SLC26A7: variants seen among roughly 807,000 people sequenced by gnomAD.
The protein encoded by SLC26A7 is anion exchange transporter.
In SLC26A7, 59 loss-of-function variants were observed where a neutral mutation model predicts 82.5. The observed-to-expected ratio is 0.72, with a 90% CI of 0.58 to 0.89. The LOEUF is 0.89. SLC26A7 is among the 40% of genes least tolerant of loss of function. The pLI, the probability that SLC26A7 is intolerant of heterozygous loss-of-function variation, is 0.00. For missense variants in SLC26A7, 820 were observed against 793.0 expected (o/e 1.03, Z -0.41); for synonymous variants, 271 against 274.3 (o/e 0.99, Z 0.12).
intron 1 of SLC26A7, chr8:91,209,580 G>T (rs1460448708): frequency 6.6e-6 from 1 of 152,240 alleles, no homozygotes; most frequent in Non-Finnish European, 1.5e-5. Flanking sequence ...ACGTGAGGAA[G>T]GCTTGAAGAA....
At chr8:91,326,986 G>A (rs927297397) in intron 5 of SLC26A7, among the ~76,000 whole-genome samples, 8 of 152,170 alleles carry the variant, frequency 5.3e-5, no homozygotes, top group Admixed American at 2.6e-4. Context: ...GGGATTTAGG[G>A]CCCACCCAGG....
chr8:91,274,005 T>C (rs1811340654), intron 2 of SLC26A7, among the ~76,000 whole-genome samples: 1 of 152,128 alleles, frequency 6.6e-6, no homozygotes, highest in Non-Finnish European at 1.5e-5. Flanking sequence ...AAGATCTCGG[T>C]TTTTAACTTT....
chr8:91,261,135 G>C (rs1046978780), intron 2 of SLC26A7, among the ~76,000 whole-genome samples: 5 of 152,088 alleles, frequency 3.3e-5, no homozygotes, highest in African/African-American at 1.2e-4. Context: ...ATTCTTGGAA[G>C]TGCTTACCAC....
chr8:91,279,125 G>GTGTGTATATATATATA (rs1382744780), intron 2 of SLC26A7, among the ~76,000 whole-genome samples: 3 of 111,258 alleles, frequency 2.7e-5, no homozygotes, highest in African/African-American at 7.1e-5. Context: ...GTGTGTGTGT[G>GTGTGTATATATATATA]TATATATATA....
Position 91,334,307 on chromosome 8 carries a change from G to A in SLC26A7, c.655G>A (p.Val219Ile), listed in dbSNP as rs1813178934. ...CTCATTACTGTAGATTTATGCATAT[G>A]TTTTTGAAAACATCAAGTCTGTGCG... ...PLGFFYIYAYVFENIKSVRLE... is the reference protein window; with the variant it reads ...PLGFFYIYAYIFENIKSVRLE... The change falls in exon 6 of 19, where the codon GTT (valine) becomes ATT (isoleucine). Residue 219 changes from valine to isoleucine, a missense_variant. Physicochemically the swap from Val to Ile is conservative, Grantham distance 29. Coordinates refer to ENST00000276609, the MANE Select transcript of SLC26A7 (RefSeq NM_052832.4). 3.1e-6 allele frequency: 5 copies of A among 1,609,870 alleles called. No individual in the cohort carries two copies. The highest frequency in any genetic ancestry group is 1.7e-5 in the Admixed American group (1 of 59,460).
chr8:91,348,959 G>GA (rs1435482442), intron 9 of SLC26A7, among the ~76,000 whole-genome samples: 3 of 152,068 alleles, frequency 2.0e-5, no homozygotes, highest in Non-Finnish European at 2.9e-5. Context: ...AGCTCTTTTT[G>GA]AATTTACTGA....
At chr8:91,345,371 C>T (rs1813535002) in intron 9 of SLC26A7, among the ~76,000 whole-genome samples, 1 of 152,110 alleles carries the variant, frequency 6.6e-6, no homozygotes, top group African/African-American at 2.4e-5. Flanking sequence ...GGGCTTGTAC[C>T]CTGGCTTCAC....
At chr8:91,378,900 C>T (rs999587678) in intron 15 of SLC26A7, among the ~76,000 whole-genome samples, 5 of 152,120 alleles carry the variant, frequency 3.3e-5, no homozygotes, top group Admixed American at 3.3e-4. Flanking sequence ...ATCATTCACA[C>T]ATGAAATAAT....
chr8:91,215,814 A>G (rs1810035467), intron 1 of SLC26A7, among the ~76,000 whole-genome samples: 1 of 152,176 alleles, frequency 6.6e-6, no homozygotes, highest in Non-Finnish European at 1.5e-5. Context: ...GTTTGTGAAG[A>G]GAGGTCCTCT....
intron 9 of SLC26A7, among the ~76,000 whole-genome samples, chr8:91,345,921 T>A (rs1445914990): frequency 6.6e-6 from 1 of 152,182 alleles, no homozygotes; most frequent in Non-Finnish European, 1.5e-5. Context: ...TTTGGGATTT[T>A]TTTTCACTTG....
intron 15 of SLC26A7, among the ~76,000 whole-genome samples, chr8:91,384,570 C>T (rs1814748553): frequency 6.6e-6 from 1 of 152,182 alleles, no homozygotes. Flanking sequence ...TCTCCTTCAT[C>T]TCCATAGCAT....
chr8:91,266,524 T>C (rs916710791), intron 2 of SLC26A7, among the ~76,000 whole-genome samples: 3 of 151,968 alleles, frequency 2.0e-5, no homozygotes, highest in Non-Finnish European at 4.4e-5. Flanking sequence ...CTTGAATTCT[T>C]TTTTGTGTAA....
rs576791043 is a variant in SLC26A7 at position 91,238,586 on chromosome 8, T to C, written c.-33-11033T>C. 7.3e-5 allele frequency among the ~76,000 whole-genome samples: 11 copies of C among 150,074 alleles called. 2 individuals carry two copies. The highest frequency in any genetic ancestry group is 1.9e-4 in the African/African-American group (8 of 41,088). On this transcript the variant is annotated intron_variant, in intron 2 of 5. Coordinates refer to the SLC26A7 transcript ENST00000522862. ...ATATACACACACACATATATATATA[T>C]ACATATAATTTGCCTTATTACTAAT...
chr8:91,213,639 T>C (rs1809978125), intron 1 of SLC26A7, among the ~76,000 whole-genome samples: 1 of 152,228 alleles, frequency 6.6e-6, no homozygotes, highest in South Asian at 2.1e-4. Flanking sequence ...AGATATTAAA[T>C]GAGTGATAGA....
At chr8:91,394,758 C>T (rs1214662676) in intron 18 of SLC26A7, 3 of 1,082,604 alleles carry the variant, frequency 2.8e-6, no homozygotes, top group Non-Finnish European at 3.5e-6. Flanking sequence ...AAAAGCTTTA[C>T]TATGTTGTTT....
In SLC26A7 at chr8:91,213,492, A is replaced by C. The variant is rs138288615; in HGVS notation, c.-150+3950A>C. ...ATAAATTATATTTAGTCATTCCATAAATTTTTGAGGGCCTGCTTTAAGCAG... is the reference window on the plus strand; with the variant it reads ...ATAAATTATATTTAGTCATTCCATACATTTTTGAGGGCCTGCTTTAAGCAG... On this transcript the variant is annotated intron_variant, in intron 1 of 5. Coordinates refer to the SLC26A7 transcript ENST00000522862. 3.9e-5 allele frequency among the ~76,000 whole-genome samples: 6 copies of C among 152,242 alleles called. No homozygotes were observed. In the East Asian group the frequency reaches 7.7e-4, roughly 20 times the overall value.
intron 2 of SLC26A7, among the ~76,000 whole-genome samples, chr8:91,263,308 C>G (rs1811018205): frequency 1.3e-5 from 2 of 152,016 alleles, no homozygotes; most frequent in African/African-American, 2.4e-5. Context: ...TTGTACTCAT[C>G]ATTTTTGCTG....
chr8:91,382,092 A>C (rs1470339428), intron 15 of SLC26A7, among the ~76,000 whole-genome samples: 3 of 152,172 alleles, frequency 2.0e-5, no homozygotes, highest in Non-Finnish European at 4.4e-5. Flanking sequence ...GAATCCTCTC[A>C]ACATGTTGTT....
intron 14 of SLC26A7, among the ~76,000 whole-genome samples, chr8:91,368,845 C>G (rs1242780020): frequency 6.6e-6 from 1 of 152,150 alleles, no homozygotes; most frequent in African/African-American, 2.4e-5. Flanking sequence ...GTGGCATTAC[C>G]TGAATGTTAC....
Sources: gnomAD v4.1 joint callset for allele counts (sites outside exome capture counted in the v4.1 genomes callset) on GRCh38, gnomAD v4.1.1 for gene constraint, MANE v1.5 for transcripts, NCBI Gene and HGNC (gene_info 2026-07-23, HGNC 2026-07-21) for gene names.